The following TRANK1 variants were observed in gnomAD, a reference collection of about 807,000 sequenced individuals.
TRANK1 encodes TPR and ankyrin repeat-containing protein 1.
Under a neutral mutation model 266.0 loss-of-function variants are expected in TRANK1, and 198 were observed. That is an observed-to-expected ratio of 0.74 (90% CI 0.66 to 0.84). The LOEUF (loss-of-function observed/expected upper bound fraction) is 0.84, where lower values mean the gene tolerates loss of function less well. Ranked by LOEUF, TRANK1 falls within the 40% of genes least tolerant of loss-of-function variation. The probability of loss-of-function intolerance (pLI) is 0.00; values close to 1 mark genes in which losing one functional copy is unlikely to be tolerated. For synonymous variants in TRANK1, 1,396 were observed against 1,384.1 expected (o/e 1.01, Z -0.19); for missense variants, 3,326 against 3,634.6 (o/e 0.92, Z 2.18).
At chr3:36,869,174 G>A (rs894807426) in intron 9 of TRANK1, among the ~76,000 whole-genome samples, 9 of 152,308 alleles carry the variant, frequency 5.9e-5, no homozygotes, top group Middle Eastern at 3.4e-3. Flanking sequence ...CAGAATCTCA[G>A]GTCCTGCCCT....
In TRANK1 at chr3:36,857,196, C is replaced by T; in HGVS notation, c.2526G>A (p.Met842Ile). Residue 842 changes from methionine to isoleucine, a missense_variant, in exon 13 of 24, where the codon ATG becomes ATA. Transcript: ENST00000645898. This position sits in a 1 kb window ranked among gnomAD's most constrained non-coding sequence, Gnocchi z 4.3. Reference protein sequence around the residue: ...MTWEIECTSEMLKKLSSKVMT... With the variant: ...MTWEIECTSEILKKLSSKVMT... ...TTACCTTACTAGACAGCTTCTTCAG[C>T]ATTTCTGAAGTGCACTCGATCTCCC... The T allele has an allele frequency of 1.2e-6, 2 of 1,613,962 alleles. No homozygotes were observed. Among genetic ancestry groups the T allele is most frequent in the Non-Finnish European group, 1.7e-6 (2 of 1,179,886 alleles).
Position 36,842,711 on chromosome 3 carries a change from C to T in TRANK1, c.5192-1G>A. The T allele has an allele frequency of 1.2e-6, 2 of 1,613,322 alleles. No homozygotes were observed. Among genetic ancestry groups the T allele is most frequent in the Non-Finnish European group, 1.7e-6 (2 of 1,179,632 alleles). ...TTAACGAACATGCTATCATCAAAGT[C>T]TAAAATGAGAAAGAAAAGTGTGTTT... On this transcript the variant is annotated splice_acceptor_variant, in intron 17 of 23. Coordinates refer to ENST00000645898, the MANE Select transcript of TRANK1 (RefSeq NM_001329998.2). LOFTEE classifies it high-confidence loss of function.
Position 36,856,980 on chromosome 3 carries a change from G to A in TRANK1, c.2742C>T (p.Asn914=). 3 of 1,613,876 alleles carry A rather than the reference G, an allele frequency of 1.9e-6. No homozygotes were observed. The highest frequency in any genetic ancestry group is 2.5e-6 in the Non-Finnish European group (3 of 1,179,864). The change falls in exon 13 of 24, where the codon AAC becomes AAT. Residue 914 remains asparagine, a synonymous_variant. Transcript: ENST00000645898. The stretch of plus-strand genomic sequence containing the variant: ...GCTCCGTGGCAATGATCTTCTCAGG[G>A]TTCTCACTGCATCGAGGGGAGAAGT... ...AIDFSPRCSE[N]PEKIIATEQN... is the part of the protein sequence containing the mutation.
At position 36,834,859 on chromosome 3, in the gene TRANK1, C is replaced by A. The variant is rs373408645; in HGVS notation, c.5566G>T (p.Ala1856Ser). 6.2e-7 allele frequency: 1 copy of A among 1,613,444 alleles called. No individual in the cohort carries two copies. The highest frequency in any genetic ancestry group is 8.5e-7 in the Non-Finnish European group (1 of 1,179,742). ...FYKRSQCYKDAFRCFEQIQEF... is the reference protein window; with the variant it reads ...FYKRSQCYKDSFRCFEQIQEF... ...TGAATCTGCTCAAAGCATCTGAAAG[C>A]GTCTTTGTAGCACTGGCTTCGCTTA... Residue 1856 changes from alanine to serine, a missense_variant, in exon 21 of 24, where the codon GCT (alanine) becomes TCT (serine). Transcript: ENST00000645898.
At chr3:36,893,040 A>G in intron 5 of TRANK1, 56 bp from the exon 6 acceptor site, 1 of 1,022,772 alleles carries the variant, frequency 9.8e-7, no homozygotes, top group Non-Finnish European at 1.3e-6. Context: ...ATAGGTTATT[A>G]AAGCAAAAAA....
In TRANK1 at chr3:36,856,199, C is replaced by G. The variant is rs760134333; in HGVS notation, c.3523G>C (p.Ala1175Pro). The change falls in exon 13 of 24, where the codon GCT becomes CCT. Residue 1175 changes from alanine (A) to proline (P), a missense_variant. Ala to Pro is a conservative substitution (Grantham distance 27). Coordinates refer to ENST00000645898, the MANE Select transcript of TRANK1 (RefSeq NM_001329998.2). ...AGVEPAGDGQ[A>P]AEVCAPEHPH... The stretch of plus-strand genomic sequence containing the variant: ...TGTTCTGGTGCACATACTTCTGCAG[C>G]TTGGCCGTCCCCTGCTGGCTCCACA... The G allele has an allele frequency of 4.8e-5, 78 of 1,613,836 alleles. No homozygotes were observed. Among genetic ancestry groups the G allele is most frequent in the Admixed American group, 2.7e-4 (16 of 59,998 alleles).
At chr3:36,873,418 A>T (rs1282790838) in intron 9 of TRANK1, among the ~76,000 whole-genome samples, 1 of 152,222 alleles carries the variant, frequency 6.6e-6, no homozygotes, top group Admixed American at 6.5e-5. Flanking sequence ...TTAAACTGAG[A>T]TGCTTAAAGA....
intron 1 of TRANK1, among the ~76,000 whole-genome samples, chr3:36,923,257 T>A (rs1242403064): frequency 7.7e-4 from 2 of 2,590 alleles, no homozygotes; most frequent in Non-Finnish European, 1.2e-3. Flanking sequence ...TCTTGGTAAA[T>A]TTTTTTTTTT....
chr3:36,879,927 TGC>T lies in TRANK1; in HGVS notation c.908-5633_908-5632del, dbSNP rs1559449394. Among the ~76,000 whole-genome samples, 253 of 26,072 alleles carry T rather than the reference TGC, an allele frequency of 9.7e-3. 50 individuals are homozygous for T. The highest frequency in any genetic ancestry group is 0.012 in the Admixed American group (25 of 2,158). The allele number at this position is 26,072 out of a possible 152,430, so 17.1% of individuals were successfully genotyped here. A position where few individuals can be genotyped will look rare whatever the true frequency, so the allele number is the denominator to read the frequency against. ...GTAAACATGCAAATATATGTAAACA[TGC>T]AAATATATGTAAACATGCAAATATA... On this transcript the variant is annotated intron_variant, in intron 8 of 23. Coordinates refer to ENST00000645898, the MANE Select transcript of TRANK1 (RefSeq NM_001329998.2).
At chr3:36,905,746 T>G (rs1436637004) in intron 2 of TRANK1, among the ~76,000 whole-genome samples, 1 of 152,158 alleles carries the variant, frequency 6.6e-6, no homozygotes, top group Non-Finnish European at 1.5e-5. Context: ...TGATTCATGC[T>G]CCAGAGCTGC....
At chr3:36,890,891 A>G (rs1486575955) in intron 7 of TRANK1, among the ~76,000 whole-genome samples, 1 of 152,204 alleles carries the variant, frequency 6.6e-6, no homozygotes, top group Non-Finnish European at 1.5e-5. Flanking sequence ...GAACTAACTT[A>G]AAAGTAGACA....
chr3:36,910,878 C>G (rs1002474785), intron 1 of TRANK1, among the ~76,000 whole-genome samples: 1 of 151,958 alleles, frequency 6.6e-6, no homozygotes, highest in Non-Finnish European at 1.5e-5. Flanking sequence ...GAGACCAGCC[C>G]GGCCAACATG....
rs5847945 is a variant in TRANK1, at chr3:36,942,874, TAA to T, written c.23+1911_23+1912del. On this transcript the variant is annotated intron_variant, in intron 1 of 23. Coordinates refer to ENST00000645898, the MANE Select transcript of TRANK1 (RefSeq NM_001329998.2). Reference sequence around the variant, plus strand: ...GAAGTTAACAATTTATGACCCGCTTTAAAAAAAAAAAAAAAACATAGAATGGG... The same window carrying T: ...GAAGTTAACAATTTATGACCCGCTTTAAAAAAAAAAAAAACATAGAATGGG... Among the ~76,000 whole-genome samples, 368 of 140,376 alleles carry T rather than the reference TAA, an allele frequency of 2.6e-3. 3 individuals are homozygous for T. Among genetic ancestry groups the T allele is most frequent in the Non-Finnish European group, 4.4e-3 (284 of 64,446 alleles). The allele number at this position is 140,376 out of a possible 152,430, so 92.1% of individuals were successfully genotyped here. A position where few individuals can be genotyped will look rare whatever the true frequency, so the allele number is the denominator to read the frequency against.
intron 8 of TRANK1, among the ~76,000 whole-genome samples, chr3:36,882,178 C>T (rs2079541455): frequency 6.6e-6 from 1 of 152,306 alleles, no homozygotes; most frequent in African/African-American, 2.4e-5. Flanking sequence ...AAAGCAGATG[C>T]ACCATTTTTC....
At chr3:36,878,751 C>T (rs1246273047) in intron 8 of TRANK1, among the ~76,000 whole-genome samples, 2 of 150,068 alleles carry the variant, frequency 1.3e-5, no homozygotes, top group South Asian at 2.1e-4. Flanking sequence ...CAAAAGTACC[C>T]CCCCCGAACC....
chr3:36,878,408 C>T (rs1386204456), intron 8 of TRANK1, among the ~76,000 whole-genome samples: 1 of 152,212 alleles, frequency 6.6e-6, no homozygotes, highest in Non-Finnish European at 1.5e-5. Context: ...CACTCATTTA[C>T]AGCTGCAGGT....
At chr3:36,889,224 C>T (rs1206810955) in intron 8 of TRANK1, among the ~76,000 whole-genome samples, 10 of 152,092 alleles carry the variant, frequency 6.6e-5, no homozygotes, top group African/African-American at 2.4e-4. Context: ...AAACAGAAAG[C>T]AAAAACTGAG....
intron 3 of TRANK1, among the ~76,000 whole-genome samples, chr3:36,900,801 G>A (rs1291510216): frequency 1.4e-5 from 2 of 138,740 alleles, no homozygotes; most frequent in Non-Finnish European, 3.0e-5. Flanking sequence ...AGGATCACAT[G>A]AGCCCACGAG....
intron 8 of TRANK1, among the ~76,000 whole-genome samples, chr3:36,886,129 G>GTTTTT (rs10563870): frequency 1.8e-4 from 18 of 100,952 alleles, no homozygotes; most frequent in African/African-American, 2.6e-4. Flanking sequence ...TGTTGTTGTT[G>GTTTTT]TTTTTTTTTT....
Sources: gnomAD v4.1 joint callset for allele counts (sites outside exome capture counted in the v4.1 genomes callset) on GRCh38, gnomAD v4.1.1 for gene constraint, Gnocchi (gnomAD v3.1) non-coding constraint, MANE v1.5 for transcripts, NCBI Gene and HGNC (gene_info 2026-07-23, HGNC 2026-07-21) for gene names.